Variants in FBXW7 observed in about 807,000 individuals in gnomAD.
FBXW7 encodes F-box/WD repeat-containing protein 7.
FBXW7 carries 11 observed loss-of-function variants against 86.3 expected under a neutral mutation model. The observed-to-expected ratio is 0.13, with a 90% CI of 0.08 to 0.21. The LOEUF is 0.21. Among genes scored for constraint, FBXW7 ranks in the 10% least tolerant of loss-of-function variants. FBXW7 has a pLI of 1.00. For missense variants in FBXW7, 488 were observed against 847.4 expected (o/e 0.58, Z 5.27); for synonymous variants, 313 against 297.9 (o/e 1.05, Z -0.52).
At chr4:152,394,789 G>C (rs1490339613) in intron 4 of FBXW7, among the ~76,000 whole-genome samples, 1 of 152,020 alleles carries the variant, frequency 6.6e-6, no homozygotes, top group African/African-American at 2.4e-5. Flanking sequence ...ATAACACTAT[G>C]TGGTAGATGC....
At chr4:152,382,551 G>A in intron 4 of FBXW7, 12 of 1,082,244 alleles carry the variant, frequency 1.1e-5, no homozygotes, top group Non-Finnish European at 1.4e-5. Context: ...GAATAGCCAG[G>A]AATTATAAAC....
At chr4:152,403,636 C>T (rs945326327) in intron 4 of FBXW7, among the ~76,000 whole-genome samples, 5 of 152,108 alleles carry the variant, frequency 3.3e-5, no homozygotes, top group African/African-American at 1.2e-4. Context: ...GCATTAGACT[C>T]TCGGAAGGAG....
intron 2 of FBXW7, among the ~76,000 whole-genome samples, chr4:152,473,638 G>A (rs1057416454): frequency 3.3e-5 from 5 of 151,856 alleles, no homozygotes; most frequent in African/African-American, 4.8e-5. Flanking sequence ...GCACCACCAC[G>A]CCTGCCTAAT....
At chr4:152,387,708 C>CT (rs34073737) in intron 4 of FBXW7, among the ~76,000 whole-genome samples, 102,570 of 112,650 alleles carry the variant, frequency 0.91, 47,549 homozygotes, top group South Asian at 0.97. Context: ...CATGGCATAC[C>CT]TTTTTTTTTT....
At chr4:152,402,369 G>GA (rs1737019830) in intron 4 of FBXW7, among the ~76,000 whole-genome samples, 1 of 151,636 alleles carries the variant, frequency 6.6e-6, no homozygotes, top group South Asian at 2.1e-4. Context: ...GAGAGAGGGA[G>GA]AAAAACAAAC....
intron 4 of FBXW7, among the ~76,000 whole-genome samples, chr4:152,393,438 T>C (rs1225538711): frequency 6.6e-6 from 1 of 152,132 alleles, no homozygotes; most frequent in African/African-American, 2.4e-5. Context: ...AATTTTCTTT[T>C]CTATACCAAG....
chr4:152,491,220 T>C (rs539081156), intron 2 of FBXW7, among the ~76,000 whole-genome samples: 48 of 152,288 alleles, frequency 3.2e-4, no homozygotes, highest in African/African-American at 1.1e-3. Flanking sequence ...TCATACATTT[T>C]ATAACATACT....
chr4:152,409,325 G>A (rs937892728), intron 4 of FBXW7, among the ~76,000 whole-genome samples: 1 of 151,968 alleles, frequency 6.6e-6, no homozygotes, highest in African/African-American at 2.4e-5. Flanking sequence ...TATGGTCTAG[G>A]GTAACATCTG....
At chr4:152,417,640 A>G (rs1169111054) in intron 2 of FBXW7, among the ~76,000 whole-genome samples, 1 of 152,148 alleles carries the variant, frequency 6.6e-6, no homozygotes, top group Admixed American at 6.5e-5. Context: ...CAGTGACAAC[A>G]TCCCTGTGGG....
chr4:152,515,590 A>G (rs1274101075), intron 2 of FBXW7, among the ~76,000 whole-genome samples: 1 of 152,206 alleles, frequency 6.6e-6, no homozygotes, highest in Admixed American at 6.5e-5. Context: ...GTAGTACAAT[A>G]AGAAGTCACG....
chr4:152,439,572 A>G (rs553070166), intron 2 of FBXW7, among the ~76,000 whole-genome samples: 1 of 152,204 alleles, frequency 6.6e-6, no homozygotes, highest in Admixed American at 6.5e-5. Context: ...TGCCTGTACT[A>G]TGGTTATTTA....
intron 4 of FBXW7, among the ~76,000 whole-genome samples, chr4:152,402,209 AC>A (rs1188993515): frequency 1.3e-5 from 2 of 152,216 alleles, no homozygotes; most frequent in South Asian, 4.1e-4. Flanking sequence ...CTCCAGCTAC[AC>A]AAAATACATA....
Position 152,337,953 on chromosome 4 carries a change from G to A in FBXW7, c.727-17C>T, listed in dbSNP as rs897590551. 1.3e-6 allele frequency: 2 copies of A among 1,587,390 alleles called. No individual in the cohort carries two copies. On this transcript the variant is annotated splice_polypyrimidine_tract_variant and intron_variant, in intron 6 of 13. Transcript: ENST00000281708. ...ACTCCAGCTCTATCAAAGAGAATTA[G>A]AAATTTTTATTGTTTTAACAGATGT... is the stretch of plus-strand genomic sequence containing the variant.
At chr4:152,339,338 C>G (rs548672771) in intron 6 of FBXW7, among the ~76,000 whole-genome samples, 1 of 152,118 alleles carries the variant, frequency 6.6e-6, no homozygotes, top group East Asian at 1.9e-4. Flanking sequence ...TATGTACACA[C>G]GTGACCAATT....
intron 2 of FBXW7, among the ~76,000 whole-genome samples, chr4:152,520,419 G>A (rs1170429951): frequency 3.5e-5 from 5 of 140,898 alleles, no homozygotes; most frequent in African/African-American, 8.0e-5. Flanking sequence ...CGGCCTGGGC[G>A]ACAGAGCGAG....
intron 2 of FBXW7, among the ~76,000 whole-genome samples, chr4:152,416,860 CCT>C (rs1738483904): frequency 6.6e-6 from 1 of 151,806 alleles, no homozygotes; most frequent in East Asian, 1.9e-4. Context: ...AAATTTAATC[CCT>C]GTGTGATACG....
chr4:152,329,879 G>A, intron 9 of FBXW7, 94 bp from the exon 10 acceptor site: 1 of 545,102 alleles, frequency 1.8e-6, no homozygotes, highest in Non-Finnish European at 3.0e-6. Context: ...AACAGGAACA[G>A]TAATTTGTAG....
chr4:152,321,617 A>G lies in FBXW7; in HGVS notation c.*1264T>C. On this transcript the variant is annotated 3_prime_UTR_variant, in exon 14 of 14. Transcript: ENST00000281708. ...AAAACTGAATAGTTTCTGCTTTGTCAGTTACTCAGAGCAATAAAACTGTAA... is the reference window on the plus strand; with the variant it reads ...AAAACTGAATAGTTTCTGCTTTGTCGGTTACTCAGAGCAATAAAACTGTAA... The G allele has an allele frequency of 4.3e-6, 1 of 233,140 alleles. No homozygotes were observed. Among genetic ancestry groups the G allele is most frequent in the Non-Finnish European group, 8.5e-6 (1 of 117,728 alleles). The allele number at this position is 233,140 out of a possible 1,614,324, so 14.4% of individuals were successfully genotyped here. A position where few individuals can be genotyped will look rare whatever the true frequency, so the allele number is the denominator to read the frequency against.
At chr4:152,396,864 C>T (rs149018625) in intron 4 of FBXW7, among the ~76,000 whole-genome samples, 15 of 152,040 alleles carry the variant, frequency 9.9e-5, no homozygotes, top group Middle Eastern at 3.4e-3. Flanking sequence ...TACTGTTTAT[C>T]ATAGCAGTGA....
Sources: gnomAD v4.1 joint callset for allele counts (sites outside exome capture counted in the v4.1 genomes callset) on GRCh38, gnomAD v4.1.1 for gene constraint, MANE v1.5 for transcripts, NCBI Gene and HGNC (gene_info 2026-07-23, HGNC 2026-07-21) for gene names.